The following PPP2R3A variants were observed in gnomAD, a reference collection of about 807,000 sequenced individuals.
PPP2R3A encodes serine/threonine-protein phosphatase 2A regulatory subunit B'' subunit alpha.
PPP2R3A carries 80 observed loss-of-function variants against 106.9 expected under a neutral mutation model. The ratio of observed to expected loss-of-function variants is 0.75; its 90% CI spans 0.62 to 0.90. PPP2R3A has a LOEUF of 0.90. PPP2R3A is among the 40% of genes least tolerant of loss of function. The pLI is 0.00. For missense variants in PPP2R3A, 1,386 were observed against 1,350.4 expected, an observed-to-expected ratio of 1.03 and a Z score of -0.41; for synonymous variants, 483 against 468.3, an observed-to-expected ratio of 1.03 and a Z score of -0.41.
chr3:136,067,691 G>A (rs1293672785), intron 5 of PPP2R3A, among the ~76,000 whole-genome samples: 1 of 152,152 alleles, frequency 6.6e-6, no homozygotes, highest in Non-Finnish European at 1.5e-5. Flanking sequence ...ACAATATATG[G>A]AATCAACCTA....
At chr3:135,996,087 T>G (rs1933385476) in intron 1 of PPP2R3A, among the ~76,000 whole-genome samples, 1 of 152,218 alleles carries the variant, frequency 6.6e-6, no homozygotes, top group East Asian at 1.9e-4. Context: ...CATGTCACAG[T>G]TCTGCCTGAC....
At chr3:136,047,918 A>AG (rs1484172763) in intron 4 of PPP2R3A, among the ~76,000 whole-genome samples, 3 of 152,006 alleles carry the variant, frequency 2.0e-5, no homozygotes, top group Admixed American at 1.3e-4. Flanking sequence ...AAAAAAAAAA[A>AG]GATGAGAACA....
intron 7 of PPP2R3A, among the ~76,000 whole-genome samples, chr3:136,081,877 C>T (rs1936791736): frequency 6.6e-6 from 1 of 152,088 alleles, no homozygotes; most frequent in Non-Finnish European, 1.5e-5. Flanking sequence ...TGATGCCTAC[C>T]CCTCTTAATG....
intron 2 of PPP2R3A, among the ~76,000 whole-genome samples, chr3:136,021,469 A>G (rs2107814610): frequency 6.6e-6 from 1 of 152,136 alleles, no homozygotes; most frequent in South Asian, 2.1e-4. Flanking sequence ...TAATGTATAC[A>G]TTAGAAAGAG....
At chr3:136,003,544 G>C in intron 2 of PPP2R3A, 51 bp downstream of exon 2, 2 of 1,476,814 alleles carry the variant, frequency 1.4e-6, no homozygotes, top group Non-Finnish European at 1.8e-6. Context: ...AATGTTTAGT[G>C]TTTGAAAATT....
chr3:136,016,021 A>G (rs1331929895), intron 2 of PPP2R3A, among the ~76,000 whole-genome samples: 2 of 152,026 alleles, frequency 1.3e-5, no homozygotes, highest in African/African-American at 4.8e-5. Context: ...TTGTGTCACT[A>G]TTATTGTCTG....
intron 5 of PPP2R3A, chr3:136,055,153 A>G (rs1220725418): frequency 2.6e-6 from 2 of 757,948 alleles, no homozygotes; most frequent in Non-Finnish European, 4.1e-6. Context: ...TTTTAGGCTT[A>G]CTTTGGTGTT....
At chr3:136,012,384 G>A (rs568493962) in intron 2 of PPP2R3A, among the ~76,000 whole-genome samples, 6 of 152,268 alleles carry the variant, frequency 3.9e-5, no homozygotes, top group African/African-American at 1.4e-4. Context: ...AGATTTTGTG[G>A]GTTCTTTCTG....
In PPP2R3A at chr3:136,026,893, G is replaced by A. The variant is rs774126761; in HGVS notation, c.2057G>A (p.Ser686Asn). 3.7e-6 allele frequency: 6 copies of A among 1,612,782 alleles called. No homozygotes were observed. The Admixed American group carries it at 1.0e-4, about 27-fold the overall frequency. ...CTCCCACCTCCAGCCACCTCTCCAAGTAGTCCCCGACCTCTCTCCCCGGTT... is the reference window on the plus strand; with the variant it reads ...CTCCCACCTCCAGCCACCTCTCCAAATAGTCCCCGACCTCTCTCCCCGGTT... Reference protein sequence around the residue: ...TPLPPPATSPSSPRPLSPVPH... With the variant: ...TPLPPPATSPNSPRPLSPVPH... The change falls in exon 3 of 14, where the codon AGT becomes AAT. Residue 686 changes from serine to asparagine, a missense_variant. Physicochemically the swap from Ser to Asn is conservative, Grantham distance 46. Transcript: ENST00000264977.
intron 2 of PPP2R3A, among the ~76,000 whole-genome samples, chr3:136,006,663 A>G (rs1268051902): frequency 6.6e-6 from 1 of 152,208 alleles, no homozygotes; most frequent in Non-Finnish European, 1.5e-5. Context: ...ATGGTGAATG[A>G]TACAAAAGCA....
intron 6 of PPP2R3A, among the ~76,000 whole-genome samples, chr3:136,077,372 T>G (rs1936631500): frequency 6.6e-6 from 1 of 152,162 alleles, no homozygotes; most frequent in African/African-American, 2.4e-5. Flanking sequence ...TGTCCAAATA[T>G]CTTGCCTTAT....
At chr3:136,103,432 G>A in intron 12 of PPP2R3A, 56 bp downstream of exon 12, 1 of 1,219,680 alleles carries the variant, frequency 8.2e-7, no homozygotes, top group East Asian at 2.4e-5. Flanking sequence ...GGCTGTGTGT[G>A]CTACATATTA....
chr3:136,137,569 G>T (rs549251287), intron 13 of PPP2R3A, among the ~76,000 whole-genome samples: 900 of 21,848 alleles, frequency 0.041, 20 homozygotes, highest in East Asian at 0.4. Flanking sequence ...TGAGATGGAG[G>T]CTCGCTCTGT....
intron 4 of PPP2R3A, among the ~76,000 whole-genome samples, chr3:136,048,989 G>A (rs1470106075): frequency 6.6e-6 from 1 of 152,084 alleles, no homozygotes; most frequent in Non-Finnish European, 1.5e-5. Context: ...TTAGACAGCT[G>A]TTCCTTCCTG....
intron 13 of PPP2R3A, among the ~76,000 whole-genome samples, chr3:136,133,011 A>C (rs896136799): frequency 6.6e-6 from 1 of 152,124 alleles, no homozygotes; most frequent in Non-Finnish European, 1.5e-5. Flanking sequence ...AAGAACCCCA[A>C]TCCATATCTT....
chr3:136,100,358 G>T (rs1159192557), intron 10 of PPP2R3A, among the ~76,000 whole-genome samples: 7 of 150,040 alleles, frequency 4.7e-5, no homozygotes, highest in East Asian at 2.0e-4. Flanking sequence ...AAAAAAAAAA[G>T]AACTTTTATT....
chr3:136,142,127 G>GGAAA (rs1938897236), intron 13 of PPP2R3A, among the ~76,000 whole-genome samples: 3 of 152,244 alleles, frequency 2.0e-5, no homozygotes, highest in Admixed American at 2.0e-4. Flanking sequence ...TAAAGCCATG[G>GGAAA]GAAAGACTAA....
intron 9 of PPP2R3A, among the ~76,000 whole-genome samples, chr3:136,088,285 G>T (rs182003093): frequency 2.3e-4 from 35 of 152,222 alleles, no homozygotes; most frequent in African/African-American, 2.4e-5. Context: ...AGTGTCCATT[G>T]TTCCCATCTT....
intron 2 of PPP2R3A, among the ~76,000 whole-genome samples, chr3:136,017,220 C>T (rs1047934391): frequency 1.3e-5 from 2 of 152,102 alleles, no homozygotes; most frequent in Non-Finnish European, 2.9e-5. Context: ...TAAAAGTTAC[C>T]TGATGCTTTT....
Sources: allele counts gnomAD v4.1 joint callset (sites outside exome capture counted in the v4.1 genomes callset), GRCh38; gene constraint gnomAD v4.1.1; transcripts MANE v1.5; gene names NCBI Gene and HGNC (gene_info 2026-07-23, HGNC 2026-07-21).